SCNN1D: variants seen among roughly 807,000 people sequenced by gnomAD.
The protein encoded by SCNN1D is epithelial sodium channel subunit delta.
In SCNN1D, 104 loss-of-function variants were observed where a neutral mutation model predicts 87.8. The observed-to-expected ratio is 1.18, with a 90% CI of 1.01 to 1.39. The LOEUF is 1.39. Among genes scored for constraint, SCNN1D ranks in the 40% most tolerant of loss-of-function variants. The probability of loss-of-function intolerance (pLI) is 0.00; values close to 1 mark genes in which losing one functional copy is unlikely to be tolerated. For synonymous variants in SCNN1D, 628 were observed against 481.2 expected, an observed-to-expected ratio of 1.31 and a Z score of -3.99; for missense variants, 1,324 against 1,093.9, an observed-to-expected ratio of 1.21 and a Z score of -2.97.
rs142458192 is a variant in SCNN1D, at chr1:1,285,599, C to T, written c.493C>T (p.Pro165Ser). Residue 165 changes from proline (P) to serine (S), a missense_variant, in exon 6 of 18, where the codon CCC (proline) becomes TCC (serine). Coordinates refer to ENST00000379116, the MANE Select transcript of SCNN1D (RefSeq NM_001130413.4). ...RSPGPVAPQR[P>S]CHLKGWQHRP... is the part of the protein sequence containing the mutation. ...GCCTGGGCCTGTGGCTCCCCAGAGG[C>T]CCTGCCACCTGAAGGGATGGCAGCA... 3.3e-4 allele frequency: 514 copies of T among 1,544,392 alleles called. 3 individuals are homozygous for T. In the African/African-American group the frequency reaches 6.2e-3, roughly 19 times the overall value.
chr1:1,282,637 A>C (rs549591647), intron 4 of SCNN1D, among the ~76,000 whole-genome samples: 39 of 152,028 alleles, frequency 2.6e-4, no homozygotes, highest in Non-Finnish European at 4.6e-4. Flanking sequence ...TGGTCTTAGC[A>C]TGTGTGAGGT....
chr1:1,281,274 C>G lies in SCNN1D; in HGVS notation c.54C>G (p.Pro18=), dbSNP rs750223548. ...KTTPLPRYLW[P]GHLSGPRRLT... Reference sequence around the variant, plus strand: ...CACCGCTCCCTCGTTACCTGTGGCCCGGCCACCTCAGCGGCCCAAGGAGGT... The same window carrying G: ...CACCGCTCCCTCGTTACCTGTGGCCGGGCCACCTCAGCGGCCCAAGGAGGT... The change falls in exon 2 of 18, where the codon CCC becomes CCG. Residue 18 remains proline (P), a synonymous_variant. Coordinates refer to ENST00000379116, the MANE Select transcript of SCNN1D (RefSeq NM_001130413.4). The G allele has an allele frequency of 2.0e-6, 3 of 1,535,670 alleles. No homozygotes were observed. The highest frequency in any genetic ancestry group is 2.6e-6 in the Non-Finnish European group (3 of 1,146,814).
chr1:1,285,546 C>A, intron 5 of SCNN1D, 25 bp from the exon 6 acceptor site: 6 of 1,456,510 alleles, frequency 4.1e-6, no homozygotes, highest in Non-Finnish European at 5.5e-6. Flanking sequence ...CGCATGGACA[C>A]GCTACCGTAC....
At position 1,281,590 on chromosome 1, in the gene SCNN1D, C is replaced by G; in HGVS notation, c.257C>G (p.Pro86Arg). 1 of 1,535,658 alleles carries G rather than the reference C, an allele frequency of 6.5e-7. No individual in the cohort carries two copies. Among genetic ancestry groups the G allele is most frequent in the Non-Finnish European group, 8.7e-7 (1 of 1,146,734 alleles). The change falls in exon 3 of 18, where the codon CCG (proline) becomes CGG (arginine). Residue 86 changes from proline to arginine, a missense_variant. Physicochemically the swap from Pro to Arg is moderately radical, Grantham distance 103. Transcript: ENST00000379116. ...TACCCCCTCTGCCTACTCTCTGGCC[C>G]GATACAGGGGTGTGGGACAGGTGAC... ...CGYPLCLLSGPIQGCGTGLGD... is the reference protein window; with the variant it reads ...CGYPLCLLSGRIQGCGTGLGD...
intron 3 of SCNN1D, 67 bp from the exon 4 acceptor site, chr1:1,282,175 T>A (rs1640483064): frequency 1.1e-6 from 1 of 936,846 alleles, no homozygotes; most frequent in African/African-American, 1.6e-5. Flanking sequence ...CTCAAGGAAA[T>A]CAGCTCAGAG....
rs775735630 is a variant in SCNN1D, at chr1:1,291,635, T to C, written c.*25T>C. ...AACCAGACCTGCCAGGGCTGTGCGA[T>C]CTCTTGGCCTGGTCCTTGCAGCTGT... On this transcript the variant is annotated 3_prime_UTR_variant, in exon 18 of 18. Transcript: ENST00000379116. 4 of 1,469,754 alleles carry C rather than the reference T, an allele frequency of 2.7e-6. No homozygotes were observed. The Admixed American group carries it at 9.5e-5, about 35-fold the overall frequency. 91.0% of individuals were successfully genotyped at this position (1,469,754 alleles called of 1,614,324 possible). A position where few individuals can be genotyped will look rare whatever the true frequency, so the allele number is the denominator to read the frequency against.
chr1:1,281,148 C>T (rs1206852296), intron 1 of SCNN1D, 78 bp from the exon 2 acceptor site: 5 of 1,385,874 alleles, frequency 3.6e-6, no homozygotes, highest in Non-Finnish European at 4.9e-6. Flanking sequence ...GGACGCTCAC[C>T]CCAGGGGAGG....
intron 5 of SCNN1D, among the ~76,000 whole-genome samples, chr1:1,285,213 G>A (rs753142952): frequency 1.4e-4 from 21 of 152,310 alleles, no homozygotes; most frequent in African/African-American, 4.6e-4. Flanking sequence ...AGAGTACCTC[G>A]GAGCAGGCTT....
rs1453571449 is a variant in SCNN1D at position 1,292,013 on chromosome 1, G to A, written c.*403G>A. ...CACACTTGGGCTGCTCTGAAATAAAGCTGTTGACTCCACCTGGCGGCCAGT... is the reference window on the plus strand; with the variant it reads ...CACACTTGGGCTGCTCTGAAATAAAACTGTTGACTCCACCTGGCGGCCAGT... On this transcript the variant is annotated 3_prime_UTR_variant, in exon 18 of 18. Coordinates refer to ENST00000379116, the MANE Select transcript of SCNN1D (RefSeq NM_001130413.4). 6.1e-6 allele frequency: 1 copy of A among 164,220 alleles called. No homozygotes were observed. The highest frequency in any genetic ancestry group is 1.3e-5 in the Non-Finnish European group (1 of 75,690). 10.2% of individuals were successfully genotyped at this position (164,220 alleles called of 1,614,324 possible).
intron 3 of SCNN1D, 50 bp downstream of exon 3, chr1:1,281,660 G>C: frequency 6.7e-7 from 1 of 1,484,438 alleles, no homozygotes; most frequent in South Asian, 1.2e-5. Context: ...AGGGGAGGGG[G>C]GTGGAGCCGG....
Position 1,291,678 on chromosome 1 carries a change from C to T in SCNN1D, c.*68C>T. The T allele has an allele frequency of 3.9e-6, 5 of 1,292,036 alleles. No homozygotes were observed. The highest frequency in any genetic ancestry group is 5.2e-6 in the Non-Finnish European group (5 of 953,770). 80.0% of individuals were successfully genotyped at this position (1,292,036 alleles called of 1,614,324 possible). ...GCAGCTGTGGCAGCAGCAGGCTCCC[C>T]AGCGGCCCAGGGTGGGCCAGACCAG... On this transcript the variant is annotated 3_prime_UTR_variant, in exon 18 of 18. Transcript: ENST00000379116.
rs143732434 is a variant in SCNN1D, at chr1:1,287,557, G to A, written c.1360G>A (p.Asp454Asn). The change falls in exon 10 of 18, where the codon GAT (aspartate) becomes AAT (asparagine). Residue 454 changes from aspartate to asparagine, a missense_variant. Asp to Asn is a conservative substitution (Grantham distance 23, BLOSUM62 1). Coordinates refer to ENST00000379116, the MANE Select transcript of SCNN1D (RefSeq NM_001130413.4). Reference sequence around the variant, plus strand: ...CACCTACGGCAGCTGCTACACGGTCGATGGCGTCTGGACAGCTCAGCGCCC... The same window carrying A: ...CACCTACGGCAGCTGCTACACGGTCAATGGCGTCTGGACAGCTCAGCGCCC... ...HPTYGSCYTVDGVWTAQRPGI... is the reference protein window; with the variant it reads ...HPTYGSCYTVNGVWTAQRPGI... The A allele has an allele frequency of 1.4e-5, 21 of 1,553,840 alleles. No homozygotes were observed. In the African/African-American group the frequency reaches 1.8e-4, roughly 13 times the overall value.
At position 1,290,487 on chromosome 1, in the gene SCNN1D, C is replaced by T. The variant is rs2100350022; in HGVS notation, c.1791C>T (p.Phe597=). The change falls in exon 14 of 18, where the codon TTC becomes TTT. Residue 597 remains phenylalanine (F), a synonymous_variant. Transcript: ENST00000379116. ...SARHPAWGHC[F]YRLYQDLETH... is the part of the protein sequence containing the mutation. ...TGACCCCTCCCCAAGGACACTGCTT[C>T]TACCGCCTCTACCAGGACCTGGAGA... 1 of 1,612,706 alleles carries T rather than the reference C, an allele frequency of 6.2e-7. No homozygotes were observed. The highest frequency in any genetic ancestry group is 8.5e-7 in the Non-Finnish European group (1 of 1,179,918).
Position 1,286,296 on chromosome 1 carries a change from C to T in SCNN1D, c.911+18C>T, listed in dbSNP as rs751858824. On this transcript the variant is annotated intron_variant, in intron 7 of 17. Transcript: ENST00000379116. The stretch of plus-strand genomic sequence containing the variant: ...CCACGTCGGTGAGGGCCAGGGCTGT[C>T]GGCGGGAGGGGTGGCCGCCCCAGCT... 1.5e-5 allele frequency: 23 copies of T among 1,540,974 alleles called. No homozygotes were observed. In the African/African-American group the frequency reaches 2.0e-4, roughly 14 times the overall value.
intron 4 of SCNN1D, among the ~76,000 whole-genome samples, chr1:1,282,737 G>C (rs987799771): frequency 6.6e-6 from 1 of 151,664 alleles, no homozygotes; most frequent in South Asian, 2.1e-4. Context: ...TGGGGTCTTA[G>C]TGTGTTGTGA....
Position 1,281,281 on chromosome 1 carries a change from C to G in SCNN1D, c.61C>G (p.Leu21Val), listed in dbSNP as rs1263785930. The G allele has an allele frequency of 1.3e-6, 2 of 1,535,836 alleles. No individual in the cohort carries two copies. Among genetic ancestry groups the G allele is most frequent in the East Asian group, 2.4e-5 (1 of 40,922 alleles). The part of the protein sequence containing the change: ...PLPRYLWPGH[L>V]SGPRRLTWSW... The stretch of plus-strand genomic sequence containing the variant: ...CCCTCGTTACCTGTGGCCCGGCCAC[C>G]TCAGCGGCCCAAGGAGGTGAGCTCA... The change falls in exon 2 of 18, where the codon CTC becomes GTC. Residue 21 changes from leucine to valine, a missense_variant. Leu to Val is a conservative substitution (Grantham distance 32). Transcript: ENST00000379116.
At chr1:1,284,941 C>G (rs976430203) in intron 5 of SCNN1D, among the ~76,000 whole-genome samples, 1 of 152,176 alleles carries the variant, frequency 6.6e-6, no homozygotes, top group Non-Finnish European at 1.5e-5. Flanking sequence ...CCTGGCAGCC[C>G]CCACTAGGGG....
chr1:1,281,049 T>G, intron 1 of SCNN1D, 177 bp from the exon 2 acceptor site: 1 of 645,856 alleles, frequency 1.5e-6, no homozygotes, highest in East Asian at 2.7e-5. Context: ...ACCCCTGGCC[T>G]GCCCATGCCC....
intron 4 of SCNN1D, among the ~76,000 whole-genome samples, chr1:1,283,464 T>C (rs955745322): frequency 1.3e-5 from 2 of 151,916 alleles, no homozygotes; most frequent in African/African-American, 4.8e-5. Flanking sequence ...TTCGGGAGGC[T>C]AAGGCGGGCG....
Sources: gnomAD v4.1 joint callset for allele counts (sites outside exome capture counted in the v4.1 genomes callset) on GRCh38, gnomAD v4.1.1 for gene constraint, MANE v1.5 for transcripts, NCBI Gene and HGNC (gene_info 2026-07-23, HGNC 2026-07-21) for gene names.